RYR1: variants seen among roughly 807,000 people sequenced by gnomAD.
The protein encoded by RYR1 is ryanodine receptor 1.
RYR1 carries 342 observed loss-of-function variants against 583.5 expected under a neutral mutation model. The ratio of observed to expected loss-of-function variants is 0.59; its 90% CI spans 0.54 to 0.64. The LOEUF is 0.64. Among genes scored for constraint, RYR1 ranks in the 30% least tolerant of loss-of-function variants. The pLI is 0.00. For synonymous variants in RYR1, 2,791 were observed against 2,822.5 expected, an observed-to-expected ratio of 0.99 and a Z score of 0.35; for missense variants, 6,032 against 6,917.2, an observed-to-expected ratio of 0.87 and a Z score of 4.54.
At chr19:38,537,167 T>C (rs1438617697) in intron 83 of RYR1, 1 of 290,078 alleles carries the variant, frequency 3.4e-6, no homozygotes, top group Non-Finnish European at 6.6e-6. Context: ...GATTGGTCAG[T>C]CAGCGTTTCC....
chr19:38,458,577 T>C (rs1253914760), intron 18 of RYR1, among the ~76,000 whole-genome samples: 3 of 152,184 alleles, frequency 2.0e-5, no homozygotes, highest in Non-Finnish European at 2.9e-5. Flanking sequence ...GATCTTTGAC[T>C]TCTAACCCCA....
intron 47 of RYR1, 140 bp from the exon 48 acceptor site, chr19:38,502,356 TAGGGTGGGAGG>T (rs1970162073): frequency 1.4e-6 from 1 of 718,424 alleles, no homozygotes; most frequent in Admixed American, 2.1e-5. Flanking sequence ...GGTGTGGGCA[TAGGGTGGGAGG>T]AGGGTGGTAG....
chr19:38,511,732 A>G, intron 61 of RYR1, 122 bp downstream of exon 61: 4 of 1,211,390 alleles, frequency 3.3e-6, no homozygotes, highest in Non-Finnish European at 4.9e-6. Flanking sequence ...CTGGACCTGG[A>G]GACATGGACC....
rs2145628771 is a variant in RYR1 at position 38,504,780 on chromosome 19, G to A, written c.8100G>A (p.Met2700Ile). 6.2e-7 allele frequency: 1 copy of A among 1,614,150 alleles called. No individual in the cohort carries two copies. Among genetic ancestry groups the A allele is most frequent in the East Asian group, 2.2e-5 (1 of 44,874 alleles). Reference sequence around the variant, plus strand: ...ACCCGGAGCTGTACCGCATGGCCATGCCTTGTCTGTGCGCCATTGCCGGGG... The same window carrying A: ...ACCCGGAGCTGTACCGCATGGCCATACCTTGTCTGTGCGCCATTGCCGGGG... ...KYDPELYRMA[M>I]PCLCAIAGAL... The change falls in exon 51 of 106, where the codon ATG (methionine) becomes ATA (isoleucine). Residue 2700 changes from methionine (M) to isoleucine (I), a missense_variant. By Grantham distance (10) the Met-to-Ile change is conservative. Coordinates refer to ENST00000359596, the MANE Select transcript of RYR1 (RefSeq NM_000540.3).
chr19:38,564,891 C>T, intron 90 of RYR1, 68 bp from the exon 91 acceptor site: 4 of 1,535,328 alleles, frequency 2.6e-6, no homozygotes, highest in Non-Finnish European at 3.5e-6. Flanking sequence ...GTAGCTGCCA[C>T]TGCGCTGTCG....
intron 13 of RYR1, 23 bp downstream of exon 13, chr19:38,453,037 G>A (rs760551250): frequency 5.1e-5 from 82 of 1,611,722 alleles, no homozygotes; most frequent in Non-Finnish European, 6.6e-5. Flanking sequence ...CGAGGGCGGA[G>A]CGGGGCCTGT....
In RYR1 at chr19:38,546,316, C is replaced by T. The variant is rs565418978; in HGVS notation, c.12013-129C>T. The T allele has an allele frequency of 2.8e-4, 207 of 741,646 alleles. 1 individual carries two copies. Among genetic ancestry groups the T allele is most frequent in the Middle Eastern group, 5.4e-4 (2 of 3,710 alleles). The allele number at this position is 741,646 out of a possible 1,614,324, so 45.9% of individuals were successfully genotyped here. A position where few individuals can be genotyped will look rare whatever the true frequency, so the allele number is the denominator to read the frequency against. On this transcript the variant is annotated intron_variant, in intron 87 of 105. Coordinates refer to ENST00000359596, the MANE Select transcript of RYR1 (RefSeq NM_000540.3). ...TGCTTCCGAGGAACATGTCTGGACT[C>T]GGGTCCCCTCGGAGGTAAGAGGGGA...
intron 89 of RYR1, among the ~76,000 whole-genome samples, chr19:38,550,514 A>C (rs953384391): frequency 2.0e-5 from 3 of 151,920 alleles, no homozygotes; most frequent in African/African-American, 7.3e-5. Context: ...TTATTTTCTT[A>C]TTTATTTGTT....
At chr19:38,498,764 T>G (rs967589274) in intron 42 of RYR1, among the ~76,000 whole-genome samples, 1 of 152,206 alleles carries the variant, frequency 6.6e-6, no homozygotes. Flanking sequence ...GAGGTCACTC[T>G]CGTTGCCATC....
At chr19:38,581,817 AG>A (rs1011277771) in intron 101 of RYR1, among the ~76,000 whole-genome samples, 8 of 151,428 alleles carry the variant, frequency 5.3e-5, no homozygotes, top group Non-Finnish European at 7.4e-5. Context: ...AATGTTGGCC[AG>A]GCTTGTCTCG....
In RYR1 at chr19:38,494,535, T is replaced by A. The variant is rs759940587; in HGVS notation, c.6458T>A (p.Met2153Lys). The A allele has an allele frequency of 1.2e-6, 2 of 1,614,022 alleles. No individual in the cohort carries two copies. Among genetic ancestry groups the A allele is most frequent in the Non-Finnish European group, 1.7e-6 (2 of 1,180,028 alleles). Residue 2153 changes from methionine to lysine, a missense_variant, in exon 39 of 106, where the codon ATG becomes AAG. Physicochemically the swap from Met to Lys is moderately conservative, Grantham distance 95. Around this residue, in one of 11 missense-constraint regions of RYR1, gnomAD observed 2,627 missense variants for 2,961.3 expected, o/e 0.89. Coordinates refer to ENST00000359596, the MANE Select transcript of RYR1 (RefSeq NM_000540.3). Reference protein sequence around the residue: ...TISPSSVEDTMSLLECLGQIR... With the variant: ...TISPSSVEDTKSLLECLGQIR... ...TCACCGTCCTCCGTGGAAGACACCA[T>A]GAGCCTGCTCGAGTGCCTCGGCCAG... is the stretch of plus-strand genomic sequence containing the variant.
rs148251714 is a variant in RYR1, at chr19:38,542,810, C to T, written c.11690-537C>T. Reference sequence around the variant, plus strand: ...TGCTGGGATTACAGGTGTGAGCCACCGCTCCCAGCCTATTTTAAAATTATT... The same window carrying T: ...TGCTGGGATTACAGGTGTGAGCCACTGCTCCCAGCCTATTTTAAAATTATT... On this transcript the variant is annotated intron_variant, in intron 84 of 105. Transcript: ENST00000359596. Among the ~76,000 whole-genome samples the T allele has an allele frequency of 3.8e-3, 577 of 151,378 alleles. 2 individuals carry two copies. The highest frequency in any genetic ancestry group is 0.012 in the African/African-American group (493 of 41,308).
chr19:38,475,799 T>C (rs1968691833), intron 29 of RYR1, among the ~76,000 whole-genome samples: 1 of 152,192 alleles, frequency 6.6e-6, no homozygotes, highest in Non-Finnish European at 1.5e-5. Context: ...CCTACTCTAA[T>C]ATATTACTGG....
At chr19:38,520,059 AGG>A (rs1328937579) in intron 67 of RYR1, among the ~76,000 whole-genome samples, 1 of 148,198 alleles carries the variant, frequency 6.7e-6, no homozygotes, top group Non-Finnish European at 1.5e-5. Flanking sequence ...CAACACCGTA[AGG>A]AATAGTTTGC....
rs368168410 is a variant in RYR1 at position 38,478,607 on chromosome 19, C to A, written c.4620+7C>A. Reference sequence around the variant, plus strand: ...GAGCAACACCTTTTTCCAGGTGAGTCCAGGCCACAGCAATTTAGCGAGAGC... The same window carrying A: ...GAGCAACACCTTTTTCCAGGTGAGTACAGGCCACAGCAATTTAGCGAGAGC... On this transcript the variant is annotated splice_region_variant and intron_variant, in intron 31 of 105. Coordinates refer to ENST00000359596, the MANE Select transcript of RYR1 (RefSeq NM_000540.3). 6.2e-7 allele frequency: 1 copy of A among 1,609,260 alleles called. No individual in the cohort carries two copies. The highest frequency in any genetic ancestry group is 8.5e-7 in the Non-Finnish European group (1 of 1,179,962).
In RYR1 at chr19:38,572,009, C is replaced by T. The variant is rs921031926; in HGVS notation, c.13747-10C>T. On this transcript the variant is annotated splice_polypyrimidine_tract_variant and intron_variant, in intron 94 of 105. Coordinates refer to ENST00000359596, the MANE Select transcript of RYR1 (RefSeq NM_000540.3). ...GCAGACCCACAGATGAATCTCTGTCCCCATTTCAGGTCTCAGACTCTCCAC... is the reference window on the plus strand; with the variant it reads ...GCAGACCCACAGATGAATCTCTGTCTCCATTTCAGGTCTCAGACTCTCCAC... The T allele has an allele frequency of 6.2e-7, 1 of 1,613,848 alleles. No homozygotes were observed. Among genetic ancestry groups the T allele is most frequent in the African/African-American group, 1.3e-5 (1 of 75,044 alleles).
chr19:38,516,340 G>T, intron 65 of RYR1, 123 bp downstream of exon 65: 1 of 1,176,888 alleles, frequency 8.5e-7, no homozygotes. Context: ...GGATTCCCCA[G>T]GTTGGGAGTG....
intron 38 of RYR1, 53 bp downstream of exon 38, chr19:38,492,689 G>A (rs943088259): frequency 1.6e-4 from 246 of 1,539,652 alleles, no homozygotes; most frequent in Non-Finnish European, 2.1e-4. Flanking sequence ...GTAGCCCCAT[G>A]CCTGCGGAGC....
At chr19:38,495,515 TG>T in intron 39 of RYR1, among the ~76,000 whole-genome samples, 1 of 152,056 alleles carries the variant, frequency 6.6e-6, no homozygotes, top group East Asian at 1.9e-4. Flanking sequence ...CCAGCTAATT[TG>T]TAAATTTTTT....
Sources: gnomAD v4.1 joint callset for allele counts (sites outside exome capture counted in the v4.1 genomes callset) on GRCh38, gnomAD v4.1.1 for gene constraint, gnomAD v4.1.1 regional missense constraint, MANE v1.5 for transcripts, NCBI Gene and HGNC (gene_info 2026-07-23, HGNC 2026-07-21) for gene names.